SGCZ: variants seen among roughly 807,000 people sequenced by gnomAD.
SGCZ encodes zeta-sarcoglycan.
SGCZ carries 40 observed loss-of-function variants against 41.3 expected under a neutral mutation model. The ratio of observed to expected loss-of-function variants is 0.97; its 90% CI spans 0.75 to 1.26. The LOEUF (loss-of-function observed/expected upper bound fraction) is 1.26. SGCZ is among the 50% of genes most tolerant of loss of function. SGCZ has a pLI of 0.00. For missense variants in SGCZ, 552 were observed against 369.8 expected, an observed-to-expected ratio of 1.49 and a Z score of -4.04; for synonymous variants, 206 against 137.5, an observed-to-expected ratio of 1.50 and a Z score of -3.49.
chr8:15,126,806 A>T (rs941564346), intron 1 of SGCZ, among the ~76,000 whole-genome samples: 1 of 151,882 alleles, frequency 6.6e-6, no homozygotes, highest in Non-Finnish European at 1.5e-5. Context: ...CATGGGGGAG[A>T]AAAGTGGGAG....
At chr8:14,949,367 G>A (rs1456936918) in intron 1 of SGCZ, among the ~76,000 whole-genome samples, 5 of 152,106 alleles carry the variant, frequency 3.3e-5, no homozygotes, top group Non-Finnish European at 7.4e-5. Flanking sequence ...TAAAAGTACA[G>A]AAAATTAGGT....
chr8:14,624,559 T>TATTATTAC, intron 1 of SGCZ, among the ~76,000 whole-genome samples: 1 of 94,446 alleles, frequency 1.1e-5, no homozygotes, highest in South Asian at 4.5e-4. Flanking sequence ...ATTATTATTT[T>TATTATTAC]TTTTTTTTTT....
intron 2 of SGCZ, among the ~76,000 whole-genome samples, chr8:14,424,660 T>G (rs146286440): frequency 6.6e-6 from 1 of 152,346 alleles, no homozygotes; most frequent in African/African-American, 2.4e-5. Flanking sequence ...TGCATGCCGT[T>G]ATTTTCATAT....
At chr8:14,182,056 T>C (rs1193076636) in intron 4 of SGCZ, among the ~76,000 whole-genome samples, 1 of 152,212 alleles carries the variant, frequency 6.6e-6, no homozygotes, top group Non-Finnish European at 1.5e-5. Flanking sequence ...CTCCTTTGCA[T>C]GCTGCTATGT....
chr8:15,181,773 T>A (rs887774005), intron 1 of SGCZ, among the ~76,000 whole-genome samples: 2 of 152,236 alleles, frequency 1.3e-5, no homozygotes, highest in African/African-American at 4.8e-5. Flanking sequence ...TCTGTCTGTA[T>A]AATTCATAAC....
intron 2 of SGCZ, among the ~76,000 whole-genome samples, chr8:14,396,140 A>G (rs548402048): frequency 3.7e-4 from 57 of 152,276 alleles, no homozygotes; most frequent in South Asian, 6.2e-4. Flanking sequence ...CCTTGTCAGT[A>G]TTCTAATACT....
At chr8:14,243,427 C>A (rs1282769843) in intron 3 of SGCZ, among the ~76,000 whole-genome samples, 1 of 152,152 alleles carries the variant, frequency 6.6e-6, no homozygotes, top group Non-Finnish European at 1.5e-5. Flanking sequence ...AATAACCACT[C>A]GATTTTTCAT....
chr8:14,464,305 T>C (rs945071335), intron 2 of SGCZ, among the ~76,000 whole-genome samples: 8 of 151,520 alleles, frequency 5.3e-5, no homozygotes, highest in African/African-American at 1.7e-4. Flanking sequence ...TTATCAGTTA[T>C]AGGTCTATTC....
chr8:14,316,641 T>G (rs1050450980), intron 3 of SGCZ, among the ~76,000 whole-genome samples: 4 of 151,990 alleles, frequency 2.6e-5, no homozygotes, highest in Non-Finnish European at 5.9e-5. Context: ...TATCATATTA[T>G]TTTGGTTTTT....
chr8:14,636,099 G>A (rs1009498435), intron 1 of SGCZ, among the ~76,000 whole-genome samples: 1 of 151,792 alleles, frequency 6.6e-6, no homozygotes, highest in Admixed American at 6.6e-5. Context: ...AAAATCTAGA[G>A]ATGAATAAAA....
intron 2 of SGCZ, among the ~76,000 whole-genome samples, chr8:14,525,395 C>G (rs1296872153): frequency 1.3e-5 from 2 of 151,982 alleles, no homozygotes; most frequent in East Asian, 1.9e-4. Flanking sequence ...AATTTGGAAG[C>G]AATTGAATAT....
At chr8:14,265,967 G>C (rs1481527317) in intron 3 of SGCZ, among the ~76,000 whole-genome samples, 7 of 151,996 alleles carry the variant, frequency 4.6e-5, no homozygotes, top group African/African-American at 1.4e-4. Flanking sequence ...AGAAAGTCTA[G>C]AGGAATTATG....
chr8:14,127,260 A>G (rs1026376307), intron 5 of SGCZ, among the ~76,000 whole-genome samples: 3 of 152,010 alleles, frequency 2.0e-5, no homozygotes, highest in African/African-American at 7.3e-5. Context: ...AGCTGTGTGT[A>G]TTTTCTATAA....
At chr8:14,658,226 C>A (rs1807636287) in intron 1 of SGCZ, among the ~76,000 whole-genome samples, 1 of 152,132 alleles carries the variant, frequency 6.6e-6, no homozygotes, top group African/African-American at 2.4e-5. Flanking sequence ...ACCTCACACA[C>A]AATTCACTAA....
At chr8:15,223,980 C>A (rs1801690955) in intron 1 of SGCZ, among the ~76,000 whole-genome samples, 2 of 151,974 alleles carry the variant, frequency 1.3e-5, no homozygotes, top group Non-Finnish European at 2.9e-5. Flanking sequence ...TCAGCCTTCC[C>A]AGTAGCTGGG....
At chr8:14,122,975 A>C (rs1053017925) in intron 5 of SGCZ, among the ~76,000 whole-genome samples, 1 of 152,228 alleles carries the variant, frequency 6.6e-6, no homozygotes, top group African/African-American at 2.4e-5. Flanking sequence ...AATCCCTTTT[A>C]GAGATAAAGT....
At chr8:14,601,977 G>A (rs950244905) in intron 1 of SGCZ, among the ~76,000 whole-genome samples, 17 of 151,890 alleles carry the variant, frequency 1.1e-4, no homozygotes, top group African/African-American at 3.9e-4. Flanking sequence ...AAAATTAGCC[G>A]GGCCTGGTGG....
At chr8:14,260,721 G>T (rs1799631684) in intron 3 of SGCZ, among the ~76,000 whole-genome samples, 1 of 152,288 alleles carries the variant, frequency 6.6e-6, no homozygotes, top group Non-Finnish European at 1.5e-5. Context: ...TAATAGACTG[G>T]ATTAAGAAAA....
At chr8:14,758,779 C>A in intron 1 of SGCZ, among the ~76,000 whole-genome samples, 1 of 152,056 alleles carries the variant, frequency 6.6e-6, no homozygotes, top group South Asian at 2.1e-4. Context: ...GAGGCCGAGG[C>A]GGGTGGATCA....
Sources: allele counts gnomAD v4.1 joint callset (sites outside exome capture counted in the v4.1 genomes callset), GRCh38; gene constraint gnomAD v4.1.1; transcripts MANE v1.5; gene names NCBI Gene and HGNC (gene_info 2026-07-23, HGNC 2026-07-21).